Variants in ELP4 observed in about 807,000 individuals in gnomAD.
ELP4 encodes elongator complex protein 4.
ELP4 carries 51 observed loss-of-function variants against 48.9 expected under a neutral mutation model. The observed-to-expected ratio is 1.04, with a 90% confidence interval of 0.83 to 1.32. The LOEUF is 1.32. Among genes scored for constraint, ELP4 ranks in the 40% most tolerant of loss-of-function variants. The pLI is 0.00. For missense variants in ELP4, 519 were observed against 514.6 expected, an observed-to-expected ratio of 1.01 and a Z score of -0.08; for synonymous variants, 210 against 189.2, an observed-to-expected ratio of 1.11 and a Z score of -0.90.
chr11:31,617,512 C>T (rs2134021786), intron 5 of ELP4, among the ~76,000 whole-genome samples: 1 of 151,884 alleles, frequency 6.6e-6, no homozygotes, highest in East Asian at 1.9e-4. Flanking sequence ...ATCTGTTTAA[C>T]TTAATGTTAA....
At chr11:31,745,372 C>A (rs1947561549) in intron 9 of ELP4, among the ~76,000 whole-genome samples, 1 of 152,112 alleles carries the variant, frequency 6.6e-6, no homozygotes, top group Non-Finnish European at 1.5e-5. Flanking sequence ...ACTTTCTTCA[C>A]AGAATTGGAA....
intron 7 of ELP4, among the ~76,000 whole-genome samples, chr11:31,640,839 T>C (rs1400821170): frequency 6.6e-6 from 1 of 151,940 alleles, no homozygotes; most frequent in East Asian, 1.9e-4. Flanking sequence ...AGAGCCACTG[T>C]AAGAAAGTCC....
chr11:31,633,561 T>C (rs7118572), intron 7 of ELP4: 92,167 of 151,962 alleles, frequency 0.61, 31,719 homozygotes, highest in Non-Finnish European at 0.76. Context: ...AAATTATTAT[T>C]ATTAGTTTAC....
intron 5 of ELP4, among the ~76,000 whole-genome samples, chr11:31,620,385 T>C (rs1034287402): frequency 6.6e-6 from 1 of 151,984 alleles, no homozygotes; most frequent in African/African-American, 2.4e-5. Flanking sequence ...GACAATGATA[T>C]AGAGATCTCA....
intron 9 of ELP4, among the ~76,000 whole-genome samples, chr11:31,747,082 C>T (rs1947612020): frequency 1.3e-5 from 2 of 151,808 alleles, no homozygotes; most frequent in South Asian, 4.2e-4. Flanking sequence ...ACTGACTGTG[C>T]AAGCCCTAAT....
chr11:31,783,341 A>T (rs1392686336), intron 9 of ELP4, 52 bp from the exon 10 acceptor site: 2 of 1,568,682 alleles, frequency 1.3e-6, no homozygotes, highest in Non-Finnish European at 1.7e-6. Flanking sequence ...AGCAAAATTA[A>T]TTTTTTTTCT....
At chr11:31,763,093 C>CAAA in intron 9 of ELP4, among the ~76,000 whole-genome samples, 1 of 137,560 alleles carries the variant, frequency 7.3e-6, no homozygotes, top group Non-Finnish European at 1.6e-5. Context: ...GTATAATGAG[C>CAAA]AAAAAAAAAA....
chr11:31,704,074 C>T (rs1175164832), intron 9 of ELP4, among the ~76,000 whole-genome samples: 2 of 151,464 alleles, frequency 1.3e-5, no homozygotes, highest in African/African-American at 4.9e-5. Flanking sequence ...GTTCTGCTTA[C>T]AATAGTAATA....
At chr11:31,721,228 G>A (rs1395071800) in intron 9 of ELP4, among the ~76,000 whole-genome samples, 2 of 152,184 alleles carry the variant, frequency 1.3e-5, no homozygotes, top group African/African-American at 4.8e-5. Context: ...TTCATGAAGA[G>A]GTTCTGAAGT....
intron 9 of ELP4, among the ~76,000 whole-genome samples, chr11:31,703,691 G>C (rs1289430468): frequency 6.6e-6 from 1 of 152,152 alleles, no homozygotes; most frequent in Non-Finnish European, 1.5e-5. Context: ...GAGCAAGCCT[G>C]TGATTTCTCT....
intron 9 of ELP4, among the ~76,000 whole-genome samples, chr11:31,710,100 C>T (rs1279293734): frequency 1.3e-5 from 2 of 152,174 alleles, no homozygotes; most frequent in Non-Finnish European, 2.9e-5. Context: ...TCATTCTTTG[C>T]ATCTCCAGCA....
chr11:31,770,564 C>CAA (rs374184259), intron 9 of ELP4, among the ~76,000 whole-genome samples: 5 of 107,466 alleles, frequency 4.7e-5, no homozygotes, highest in South Asian at 3.1e-4. Flanking sequence ...ATAAAATTTC[C>CAA]AAAAAAAAAA....
At chr11:31,593,130 C>T (rs1957612983) in intron 3 of ELP4, among the ~76,000 whole-genome samples, 1 of 152,168 alleles carries the variant, frequency 6.6e-6, no homozygotes, top group Admixed American at 6.5e-5. Flanking sequence ...CACAATCTAA[C>T]ATTTGTAGGA....
At chr11:31,623,404 T>G (rs1944669263) in intron 5 of ELP4, among the ~76,000 whole-genome samples, 1 of 89,654 alleles carries the variant, frequency 1.1e-5, no homozygotes, top group African/African-American at 4.0e-5. Context: ...ACTAGAAACA[T>G]TGCTGGCAAA....
intron 3 of ELP4, among the ~76,000 whole-genome samples, chr11:31,548,754 A>T (rs1956782013): frequency 1.3e-5 from 2 of 152,230 alleles, no homozygotes; most frequent in Non-Finnish European, 2.9e-5. Context: ...GGCTACAGTA[A>T]CCAAAACAGC....
intron 9 of ELP4, among the ~76,000 whole-genome samples, chr11:31,725,880 T>TTA (rs1947065362): frequency 6.6e-6 from 1 of 152,190 alleles, no homozygotes; most frequent in African/African-American, 2.4e-5. Context: ...CCCATGCCGT[T>TTA]ATATTTATAT....
At chr11:31,755,696 A>G (rs1477215658) in intron 9 of ELP4, among the ~76,000 whole-genome samples, 1 of 151,300 alleles carries the variant, frequency 6.6e-6, no homozygotes, top group Non-Finnish European at 1.5e-5. Flanking sequence ...CTGTGGAGAT[A>G]TAGCAACTGA....
chr11:31,599,044 T>C lies in ELP4; in HGVS notation c.513+4143T>C, dbSNP rs11031426. On this transcript the variant is annotated intron_variant, in intron 4 of 9. Coordinates refer to ENST00000640961, the MANE Select transcript of ELP4 (RefSeq NM_019040.5). Reference sequence around the variant, plus strand: ...TTATCATTAAATGATAATATATATCTAATTTATTATTATCATCTATCTCCT... The same window carrying C: ...TTATCATTAAATGATAATATATATCCAATTTATTATTATCATCTATCTCCT... 2.0e-5 allele frequency: 3 copies of C among 151,906 alleles called. No individual in the cohort carries two copies. The East Asian group carries it at 5.8e-4, about 29-fold the overall frequency. 9.4% of individuals were successfully genotyped at this position (151,906 alleles called of 1,614,324 possible). A position where few individuals can be genotyped will look rare whatever the true frequency, so the allele number is the denominator to read the frequency against.
intron 5 of ELP4, among the ~76,000 whole-genome samples, chr11:31,622,477 C>T (rs549723996): frequency 6.6e-6 from 1 of 151,674 alleles, no homozygotes; most frequent in African/African-American, 2.4e-5. Context: ...TGTTATTTAT[C>T]ATCTACCTGT....
Sources: gnomAD v4.1 joint callset for allele counts (sites outside exome capture counted in the v4.1 genomes callset) on GRCh38, gnomAD v4.1.1 for gene constraint, MANE v1.5 for transcripts, NCBI Gene and HGNC (gene_info 2026-07-23, HGNC 2026-07-21) for gene names.